Variants in SERPINA9 observed in about 807,000 individuals in gnomAD.
SERPINA9 encodes the protein serpin family A member 9, also known as serpin A9.
In SERPINA9, 32 loss-of-function variants were observed where a neutral mutation model predicts 24.5. That is an observed-to-expected ratio of 1.30 (90% CI 0.98 to 1.75). The LOEUF is 1.75. SERPINA9 is among the 40% of genes most tolerant of loss of function. The pLI, the probability that SERPINA9 is intolerant of heterozygous loss-of-function variation, is 0.00. For missense variants in SERPINA9, 594 were observed against 497.1 expected (o/e 1.19, Z -1.85); for synonymous variants, 233 against 197.7 (o/e 1.18, Z -1.50).
chr14:94,466,182 G>T (rs758233116), intron 3 of SERPINA9, among the ~76,000 whole-genome samples: 86 of 152,242 alleles, frequency 5.6e-4, no homozygotes, highest in Non-Finnish European at 7.5e-4. Context: ...GACACACCCT[G>T]CAGCATCTCT....
intron 2 of SERPINA9, 115 bp from the exon 3 acceptor site, chr14:94,467,497 CA>C (rs1177867267): frequency 2.6e-5 from 24 of 935,376 alleles, no homozygotes; most frequent in Admixed American, 5.6e-5. Flanking sequence ...TTTGAGGTGA[CA>C]AAAAAATGCT....
At chr14:94,473,027 A>C (rs1017450923) in intron 1 of SERPINA9, among the ~76,000 whole-genome samples, 1 of 152,166 alleles carries the variant, frequency 6.6e-6, no homozygotes, top group Non-Finnish European at 1.5e-5. Context: ...CCTGGAACCC[A>C]CTGGGGGATG....
chr14:94,470,777 A>G (rs1029122944), intron 1 of SERPINA9, among the ~76,000 whole-genome samples: 4 of 152,178 alleles, frequency 2.6e-5, no homozygotes, highest in Non-Finnish European at 5.9e-5. Flanking sequence ...AGAGAATTTG[A>G]TTGGAGCAAC....
chr14:94,473,950 G>A (rs1899448619), intron 1 of SERPINA9, among the ~76,000 whole-genome samples: 1 of 152,218 alleles, frequency 6.6e-6, no homozygotes, highest in Non-Finnish European at 1.5e-5. Context: ...TCTGCAGAAC[G>A]CCCAGTGCGG....
rs760492022 is a variant in SERPINA9 at position 94,469,576 on chromosome 14, C to T, written c.265G>A (p.Val89Ile). Residue 89 changes from valine to isoleucine, a missense_variant, in exon 2 of 5, where the codon GTC becomes ATC. Val to Ile is a conservative substitution (Grantham distance 29). Transcript: ENST00000674397. ...CCCTGGAGAATCTGGGTCTTGGTGA[C>T]TGAGTGGGCCCCAAGGGAGAGCATG... The part of the protein sequence containing the change: ...LAMLSLGAHS[V>I]TKTQILQGLG... The T allele has an allele frequency of 4.3e-6, 7 of 1,614,012 alleles. No homozygotes were observed. Among genetic ancestry groups the T allele is most frequent in the African/African-American group, 1.3e-5 (1 of 74,884 alleles).
At chr14:94,468,605 G>A (rs573480072) in intron 2 of SERPINA9, among the ~76,000 whole-genome samples, 1 of 152,334 alleles carries the variant, frequency 6.6e-6, no homozygotes, top group East Asian at 1.9e-4. Context: ...CAAGTATGGG[G>A]TAGAGGTGAA....
Position 94,469,444 on chromosome 14 carries a change from C to T in SERPINA9, c.397G>A (p.Gly133Arg). The change falls in exon 2 of 5, where the codon GGA (glycine) becomes AGA (arginine). Residue 133 changes from glycine to arginine, a missense_variant. Gly to Arg is a moderately radical substitution (Grantham distance 125, BLOSUM62 -2). Coordinates refer to ENST00000674397, the MANE Select transcript of SERPINA9 (RefSeq NM_175739.4). ...VPSKDLTLKM[G>R]SALFVKKELQ... ...TCCTTCTTGACGAAGAGGGCACTTC[C>T]CATCTTCAAGGTCAGGTCTTTGCTG... 1 of 1,614,188 alleles carries T rather than the reference C, an allele frequency of 6.2e-7. No homozygotes were observed. Among genetic ancestry groups the T allele is most frequent in the Non-Finnish European group, 8.5e-7 (1 of 1,180,040 alleles).
chr14:94,476,023 C>T (rs191054574), intron 1 of SERPINA9, 113 bp downstream of exon 1: 3 of 1,521,124 alleles, frequency 2.0e-6, no homozygotes, highest in African/African-American at 2.7e-5. Flanking sequence ...AGGTTCTCAT[C>T]TTATTTGACT....
In SERPINA9 at chr14:94,469,261, G is replaced by A. The variant is rs749200217; in HGVS notation, c.580C>T (p.Leu194Phe). 6.2e-7 allele frequency: 1 copy of A among 1,614,032 alleles called. No individual in the cohort carries two copies. Among genetic ancestry groups the A allele is most frequent in the South Asian group, 1.1e-5 (1 of 91,084 alleles). ...QGKVVDIIQG[L>F]DLLTAMVLVN... ...AGAACCATGGCCGTCAGAAGGTCAAGGCCTTGGATTATGTCTACAACCTTC... is the reference window on the plus strand; with the variant it reads ...AGAACCATGGCCGTCAGAAGGTCAAAGCCTTGGATTATGTCTACAACCTTC... The change falls in exon 2 of 5, where the codon CTT becomes TTT. Residue 194 changes from leucine to phenylalanine, a missense_variant. Physicochemically the swap from Leu to Phe is conservative, Grantham distance 22 (BLOSUM62 0). Transcript: ENST00000674397.
intron 2 of SERPINA9, among the ~76,000 whole-genome samples, chr14:94,468,704 A>G (rs1899139290): frequency 6.6e-6 from 1 of 152,222 alleles, no homozygotes; most frequent in Non-Finnish European, 1.5e-5. Flanking sequence ...ATCTACATCT[A>G]TATCTATATC....
In SERPINA9 at chr14:94,469,438, C is replaced by T. The variant is rs1899189806; in HGVS notation, c.403G>A (p.Ala135Thr). Residue 135 changes from alanine (A) to threonine (T), a missense_variant, in exon 2 of 5, where the codon GCC (alanine) becomes ACC (threonine). Transcript: ENST00000674397. ...SKDLTLKMGS[A>T]LFVKKELQLQ... ...TGCAGCTCCTTCTTGACGAAGAGGGCACTTCCCATCTTCAAGGTCAGGTCT... is the reference window on the plus strand; with the variant it reads ...TGCAGCTCCTTCTTGACGAAGAGGGTACTTCCCATCTTCAAGGTCAGGTCT... The T allele has an allele frequency of 1.9e-6, 3 of 1,614,190 alleles. No homozygotes were observed. The highest frequency in any genetic ancestry group is 1.7e-6 in the Non-Finnish European group (2 of 1,180,040).
At chr14:94,465,875 C>T (rs956704524) in intron 3 of SERPINA9, among the ~76,000 whole-genome samples, 1 of 152,170 alleles carries the variant, frequency 6.6e-6, no homozygotes, top group East Asian at 1.9e-4. Flanking sequence ...AACACTTCCC[C>T]CTTTTAAAGA....
chr14:94,470,680 G>A (rs756647258), intron 1 of SERPINA9, among the ~76,000 whole-genome samples: 3 of 152,236 alleles, frequency 2.0e-5, no homozygotes, highest in Non-Finnish European at 2.9e-5. Context: ...AGGACTGAGT[G>A]TGATAAGGCA....
intron 4 of SERPINA9, among the ~76,000 whole-genome samples, chr14:94,464,129 GCACTCATAGCT>G (rs1030846386): frequency 2.0e-5 from 3 of 152,158 alleles, no homozygotes; most frequent in African/African-American, 7.2e-5. Flanking sequence ...GTTAAAAGGG[GCACTCATAGCT>G]CAGCTCCTGT....
chr14:94,464,308 T>G (rs8016440), intron 4 of SERPINA9: 1 of 84,310 alleles, frequency 1.2e-5, no homozygotes, highest in Non-Finnish European at 2.7e-5. Context: ...TCTCTCTCTC[T>G]CTCTCTCTCT....
intron 1 of SERPINA9, among the ~76,000 whole-genome samples, chr14:94,472,744 C>G (rs946265825): frequency 6.6e-6 from 1 of 152,152 alleles, no homozygotes; most frequent in Non-Finnish European, 1.5e-5. Flanking sequence ...TATTCCATAA[C>G]AAGAAAGGCT....
chr14:94,463,400 T>C (rs1365874764), intron 4 of SERPINA9, 104 bp from the exon 5 acceptor site: 1 of 981,458 alleles, frequency 1.0e-6, no homozygotes, highest in Non-Finnish European at 1.6e-6. Flanking sequence ...ATGTCTACCT[T>C]GAAAGGATTC....
intron 4 of SERPINA9, chr14:94,464,505 C>T (rs915622268): frequency 2.2e-4 from 123 of 563,182 alleles, no homozygotes; most frequent in Admixed American, 2.4e-4. Context: ...GGCTTCGGAA[C>T]ATTTGTGTGA....
At chr14:94,475,951 G>C (rs538312810) in intron 1 of SERPINA9, 185 bp downstream of exon 1, 3 of 766,012 alleles carry the variant, frequency 3.9e-6, no homozygotes, top group Admixed American at 2.6e-5. Flanking sequence ...GTCCACTCCA[G>C]CCTGGCTTCT....
Sources: allele counts gnomAD v4.1 joint callset (sites outside exome capture counted in the v4.1 genomes callset), GRCh38; gene constraint gnomAD v4.1.1; transcripts MANE v1.5; gene names NCBI Gene and HGNC (gene_info 2026-07-23, HGNC 2026-07-21).